The following PEX13 variants were observed in gnomAD, a reference collection of about 807,000 sequenced individuals.
PEX13 encodes the protein peroxisome biogenesis factor 13.
PEX13 carries 28 observed loss-of-function variants against 34.5 expected under a neutral mutation model. That is an observed-to-expected ratio of 0.81 (90% CI 0.60 to 1.11). The LOEUF (loss-of-function observed/expected upper bound fraction) is 1.11, where lower values mean the gene tolerates loss of function less well. PEX13 is among the 50% of genes most tolerant of loss of function. PEX13 has a pLI of 0.00. For missense variants in PEX13, 550 were observed against 491.0 expected (o/e 1.12, Z -1.13); for synonymous variants, 177 against 175.1 (o/e 1.01, Z -0.09).
At chr2:61,045,623 C>CT (rs1383389290) in intron 2 of PEX13, 103 bp from the exon 3 acceptor site, 4 of 998,712 alleles carry the variant, frequency 4.0e-6, no homozygotes, top group Non-Finnish European at 4.7e-6. Flanking sequence ...GAGGGGAGGA[C>CT]TTTTCTCTTG....
chr2:61,042,279 A>G (rs772352240), intron 2 of PEX13, among the ~76,000 whole-genome samples: 4 of 152,194 alleles, frequency 2.6e-5, no homozygotes, highest in Non-Finnish European at 4.4e-5. Context: ...CACAGAGACT[A>G]TATGTGAAAT....
chr2:61,017,901 C>G (rs1680118940), intron 1 of PEX13, 50 bp downstream of exon 1: 2 of 1,520,198 alleles, frequency 1.3e-6, no homozygotes, highest in East Asian at 4.9e-5. Flanking sequence ...CGAGCGGGGA[C>G]TTGGCAGGAG....
rs774206084 is a variant in PEX13, at chr2:61,047,636, T to C, written c.914-836T>C. Among the ~76,000 whole-genome samples, 15 of 152,352 alleles carry C rather than the reference T, an allele frequency of 9.8e-5. 1 individual carries two copies. The highest frequency in any genetic ancestry group is 6.8e-3 in the Middle Eastern group (2 of 294). On this transcript the variant is annotated intron_variant, in intron 3 of 3. Coordinates refer to ENST00000295030, the MANE Select transcript of PEX13 (RefSeq NM_002618.4). Reference sequence around the variant, plus strand: ...TTATATTTCATTATTCTTCAATGAATAGTGCCTCTTAACACTAGCTTGCTT... The same window carrying C: ...TTATATTTCATTATTCTTCAATGAACAGTGCCTCTTAACACTAGCTTGCTT...
At chr2:61,043,836 A>T (rs1284793139) in intron 2 of PEX13, among the ~76,000 whole-genome samples, 1 of 151,930 alleles carries the variant, frequency 6.6e-6, no homozygotes, top group African/African-American at 2.4e-5. Context: ...GTTTTATTTT[A>T]TTTTTTTTGA....
At chr2:61,034,266 G>A (rs181684285) in intron 2 of PEX13, among the ~76,000 whole-genome samples, 24 of 152,330 alleles carry the variant, frequency 1.6e-4, no homozygotes, top group Admixed American at 1.6e-3. Context: ...CAAAGTGCTA[G>A]GATTACAGGC....
chr2:61,035,592 G>A (rs575526716), intron 2 of PEX13, among the ~76,000 whole-genome samples: 2 of 152,252 alleles, frequency 1.3e-5, no homozygotes, highest in African/African-American at 4.8e-5. Context: ...TTAGATGAAT[G>A]GCTAACTAGA....
intron 3 of PEX13, among the ~76,000 whole-genome samples, chr2:61,047,150 TTTTC>T (rs1303510217): frequency 6.6e-6 from 1 of 152,030 alleles, no homozygotes; most frequent in African/African-American, 2.4e-5. Flanking sequence ...CTATTTGTAT[TTTTC>T]TTTCTTTTTT....
intron 3 of PEX13, among the ~76,000 whole-genome samples, chr2:61,046,121 G>C (rs1221527806): frequency 6.6e-6 from 1 of 152,152 alleles, no homozygotes; most frequent in Admixed American, 6.6e-5. Context: ...ATTTCAAACT[G>C]TTAATCCCCA....
At chr2:61,039,710 A>G (rs1412576208) in intron 2 of PEX13, among the ~76,000 whole-genome samples, 1 of 152,176 alleles carries the variant, frequency 6.6e-6, no homozygotes, top group East Asian at 1.9e-4. Flanking sequence ...AAACACCAAA[A>G]ACAATGACAA....
Position 61,050,992 on chromosome 2 carries a change from C to T in PEX13, c.*2222C>T, listed in dbSNP as rs1193337459. 1 of 152,332 alleles carries T rather than the reference C, an allele frequency of 6.6e-6. No homozygotes were observed. Among genetic ancestry groups the T allele is most frequent in the East Asian group, 1.9e-4 (1 of 5,342 alleles). The allele number at this position is 152,332 out of a possible 1,614,324, so 9.4% of individuals were successfully genotyped here. A position where few individuals can be genotyped will look rare whatever the true frequency, so the allele number is the denominator to read the frequency against. ...CTCGAATAGTTCAGATTAAAACATA[C>T]AGGAACCAAGTACATACCCAGCATA... On this transcript the variant is annotated 3_prime_UTR_variant, in exon 4 of 4. Coordinates refer to ENST00000295030, the MANE Select transcript of PEX13 (RefSeq NM_002618.4).
At chr2:61,025,696 T>C (rs1239266218) in intron 1 of PEX13, among the ~76,000 whole-genome samples, 1 of 152,124 alleles carries the variant, frequency 6.6e-6, no homozygotes, top group Non-Finnish European at 1.5e-5. Context: ...GCACATTGTA[T>C]ATAGACAGTT....
At chr2:61,047,489 A>G (rs762770887) in intron 3 of PEX13, among the ~76,000 whole-genome samples, 10 of 152,316 alleles carry the variant, frequency 6.6e-5, no homozygotes, top group Non-Finnish European at 1.2e-4. Context: ...ATAGCAATTT[A>G]CTATTTTGGA....
In PEX13 at chr2:61,049,185, G is replaced by A. The variant is rs1488839195; in HGVS notation, c.*415G>A. 6.1e-6 allele frequency: 1 copy of A among 164,734 alleles called. No individual in the cohort carries two copies. The highest frequency in any genetic ancestry group is 1.3e-5 in the Non-Finnish European group (1 of 75,366). 10.2% of individuals were successfully genotyped at this position (164,734 alleles called of 1,614,324 possible). Reference sequence around the variant, plus strand: ...GTGGTGACATGTCAGTATGAGAACAGGCAAAAGGTAAATTTTTTTTTTTTT... The same window carrying A: ...GTGGTGACATGTCAGTATGAGAACAAGCAAAAGGTAAATTTTTTTTTTTTT... On this transcript the variant is annotated 3_prime_UTR_variant, in exon 4 of 4. Coordinates refer to ENST00000295030, the MANE Select transcript of PEX13 (RefSeq NM_002618.4).
At chr2:61,027,945 G>A (rs537506728) in intron 1 of PEX13, among the ~76,000 whole-genome samples, 2 of 152,140 alleles carry the variant, frequency 1.3e-5, no homozygotes, top group South Asian at 2.1e-4. Flanking sequence ...ATAATATTAC[G>A]ATACAAGTCT....
intron 1 of PEX13, chr2:61,018,212 G>T (rs1680144588): frequency 1.3e-6 from 2 of 1,550,928 alleles, no homozygotes; most frequent in Non-Finnish European, 8.7e-7. Context: ...GCAGTTGAGA[G>T]CGGCATTTGT....
intron 2 of PEX13, among the ~76,000 whole-genome samples, chr2:61,042,013 G>GT (rs1680633223): frequency 6.6e-6 from 1 of 152,202 alleles, no homozygotes; most frequent in Admixed American, 6.5e-5. Flanking sequence ...TAGAGCAGGG[G>GT]TTGGCAAACC....
At chr2:61,024,802 C>G (rs1680323971) in intron 1 of PEX13, among the ~76,000 whole-genome samples, 1 of 152,004 alleles carries the variant, frequency 6.6e-6, no homozygotes, top group Non-Finnish European at 1.5e-5. Flanking sequence ...GAGTGAGACT[C>G]CATCTAAGAA....
Position 61,032,519 on chromosome 2 carries a change from C to T in PEX13, c.787+406C>T, listed in dbSNP as rs540621271. On this transcript the variant is annotated intron_variant, in intron 2 of 3. Coordinates refer to ENST00000295030, the MANE Select transcript of PEX13 (RefSeq NM_002618.4). ...CTTTTTTAATATGCAAGACACTGTG[C>T]TAGGTATTTTGTGTGTTTTATCTCA... Among the ~76,000 whole-genome samples the T allele has an allele frequency of 9.3e-4, 142 of 152,268 alleles. 1 individual carries two copies. The highest frequency in any genetic ancestry group is 1.6e-3 in the Admixed American group (24 of 15,298).
chr2:61,018,177 T>C (rs1259564747), intron 1 of PEX13: 1 of 1,550,724 alleles, frequency 6.4e-7, no homozygotes, highest in African/African-American at 1.4e-5. Context: ...CTTCTCTATC[T>C]TTAAAGCGTA....
Sources: gnomAD v4.1 joint callset for allele counts (sites outside exome capture counted in the v4.1 genomes callset) on GRCh38, gnomAD v4.1.1 for gene constraint, MANE v1.5 for transcripts, NCBI Gene and HGNC (gene_info 2026-07-23, HGNC 2026-07-21) for gene names.